The following RPH3AL variants were observed in gnomAD, a reference collection of about 807,000 sequenced individuals.
RPH3AL encodes the protein rab effector Noc2.
RPH3AL carries 38 observed loss-of-function variants against 43.1 expected under a neutral mutation model. That is an observed-to-expected ratio of 0.88 (90% CI 0.68 to 1.15). The LOEUF (loss-of-function observed/expected upper bound fraction) is 1.15, where lower values mean the gene tolerates loss of function less well. Ranked by LOEUF, RPH3AL falls within the 50% of genes most tolerant of loss-of-function variation. RPH3AL has a pLI of 0.00. For synonymous variants in RPH3AL, 189 were observed against 176.3 expected (o/e 1.07, Z -0.57); for missense variants, 462 against 423.2 (o/e 1.09, Z -0.81).
chr17:232,887 T>TGTGTGTGTGTGTG (rs1567568845), intron 7 of RPH3AL, among the ~76,000 whole-genome samples: 6 of 129,006 alleles, frequency 4.7e-5, no homozygotes, highest in Non-Finnish European at 6.5e-5. Context: ...TGTGTGTGTG[T>TGTGTGTGTGTGTG]TGGCTTCTAT....
chr17:247,062 T>C (rs777022213), intron 7 of RPH3AL, 49 bp downstream of exon 7: 1 of 1,608,468 alleles, frequency 6.2e-7, no homozygotes, highest in East Asian at 2.2e-5. Flanking sequence ...GGCTGGCTAA[T>C]GACCCAAACT....
chr17:260,374 G>A (rs2042169618), intron 6 of RPH3AL, among the ~76,000 whole-genome samples: 1 of 152,202 alleles, frequency 6.6e-6, no homozygotes, highest in Non-Finnish European at 1.5e-5. Flanking sequence ...AGGAGGCTGT[G>A]AGCTCTTCAA....
chr17:233,431 C>G (rs1023554266), intron 7 of RPH3AL, among the ~76,000 whole-genome samples: 4 of 152,180 alleles, frequency 2.6e-5, no homozygotes, highest in Non-Finnish European at 5.9e-5. Flanking sequence ...CAGGAAAACA[C>G]CAGCCCTGTG....
At chr17:279,105 C>G (rs978231480) in intron 6 of RPH3AL, among the ~76,000 whole-genome samples, 4 of 152,192 alleles carry the variant, frequency 2.6e-5, no homozygotes, top group African/African-American at 9.7e-5. Context: ...TCATCACAGA[C>G]TCAGAACCAG....
In RPH3AL at chr17:328,282, A is replaced by G. The variant is rs1567527393; in HGVS notation, c.-36-703T>C. Reference sequence around the variant, plus strand: ...GCCGGCTTTCTCCCTGCCTCCCAGGACAGGATTGTCTTTGGTGGTCTGAGG... The same window carrying G: ...GCCGGCTTTCTCCCTGCCTCCCAGGGCAGGATTGTCTTTGGTGGTCTGAGG... On this transcript the variant is annotated intron_variant, in intron 2 of 9. Transcript: ENST00000331302. This position sits in a 1 kb window ranked among gnomAD's most constrained non-coding sequence, Gnocchi z 4.2. Among the ~76,000 whole-genome samples, 1 of 151,352 alleles carries G rather than the reference A, an allele frequency of 6.6e-6. No individual in the cohort carries two copies. Among genetic ancestry groups the G allele is most frequent in the Non-Finnish European group, 1.5e-5 (1 of 67,868 alleles).
In RPH3AL at chr17:243,024, TTCCTCTATTGAATACCA is replaced by T. The variant is rs1316778298; in HGVS notation, c.613+4070_613+4086del. Among the ~76,000 whole-genome samples the T allele has an allele frequency of 8.6e-3, 984 of 114,300 alleles. 130 individuals are homozygous for T. Among genetic ancestry groups the T allele is most frequent in the African/African-American group, 0.021 (638 of 31,004 alleles). The allele number at this position is 114,300 out of a possible 152,430, so 75.0% of individuals were successfully genotyped here. On this transcript the variant is annotated intron_variant, in intron 7 of 9. Transcript: ENST00000331302. ...TGAATACCTTCCTCTATTGAATACC[TTCCTCTATTGAATACCA>T]TCCTCTATTGATTACCCTTCCTCTA...
rs553450826 is a variant in RPH3AL at position 316,971 on chromosome 17, C to G, written c.351+2449G>C. Among the ~76,000 whole-genome samples the G allele has an allele frequency of 2.1e-4, 29 of 136,328 alleles. No individual in the cohort carries two copies. The East Asian group carries it at 5.7e-3, about 27-fold the overall frequency. The allele number at this position is 136,328 out of a possible 152,430, so 89.4% of individuals were successfully genotyped here. On this transcript the variant is annotated intron_variant, in intron 5 of 9. Transcript: ENST00000331302. Reference sequence around the variant, plus strand: ...ACCTGTAGTCTCTCTACACCCACCTCCATTGACCTGTAGTCCCTGTGACCC... The same window carrying G: ...ACCTGTAGTCTCTCTACACCCACCTGCATTGACCTGTAGTCCCTGTGACCC...
intron 5 of RPH3AL, among the ~76,000 whole-genome samples, chr17:310,336 C>A: frequency 6.6e-6 from 1 of 152,178 alleles, no homozygotes; most frequent in Non-Finnish European, 1.5e-5. Flanking sequence ...CTTCCACCCA[C>A]AAGCTCATTA....
At chr17:218,527 T>C (rs2040870113) in intron 8 of RPH3AL, among the ~76,000 whole-genome samples, 1 of 152,240 alleles carries the variant, frequency 6.6e-6, no homozygotes. Flanking sequence ...ATGGAGCCCT[T>C]TCTTCTTCTG....
At position 274,872 on chromosome 17, in the gene RPH3AL, G is replaced by C. The variant is rs2042616323; in HGVS notation, c.438+6896C>G. Among the ~76,000 whole-genome samples the C allele has an allele frequency of 6.6e-6, 1 of 152,212 alleles. No individual in the cohort carries two copies. Among genetic ancestry groups the C allele is most frequent in the Admixed American group, 6.5e-5 (1 of 15,284 alleles). ...TTGTTTGGTGTCTAGGAAACATAAA[G>C]ACGGGCCTTACTAATAAAATAGAAA... On this transcript the variant is annotated intron_variant, in intron 6 of 9. Transcript: ENST00000331302. The surrounding 1 kb of genome is among the most constrained non-coding windows in gnomAD (Gnocchi z 4.7).
At chr17:285,359 C>G (rs2042882188) in intron 5 of RPH3AL, among the ~76,000 whole-genome samples, 1 of 152,208 alleles carries the variant, frequency 6.6e-6, no homozygotes, top group Non-Finnish European at 1.5e-5. Flanking sequence ...CTCTAAACCT[C>G]AGACGTTCTC....
At chr17:247,041 G>C (rs1555540276) in intron 7 of RPH3AL, 70 bp downstream of exon 7, 1 of 1,570,324 alleles carries the variant, frequency 6.4e-7, no homozygotes, top group African/African-American at 1.3e-5. Flanking sequence ...CCTTGTGCCT[G>C]CAAACTGCCG....
intron 7 of RPH3AL, among the ~76,000 whole-genome samples, chr17:231,461 C>T (rs772968147): frequency 6.6e-6 from 1 of 152,254 alleles, no homozygotes; most frequent in Non-Finnish European, 1.5e-5. Context: ...CGTGCAAGGC[C>T]AGGCCTCACC....
intron 5 of RPH3AL, among the ~76,000 whole-genome samples, chr17:294,836 A>G (rs12945771): frequency 1.9e-4 from 9 of 46,268 alleles, no homozygotes; most frequent in South Asian, 1.3e-3. Flanking sequence ...AAATGGATGG[A>G]CAGAGGGAAT....
At chr17:231,350 G>C (rs2041226592) in intron 7 of RPH3AL, among the ~76,000 whole-genome samples, 1 of 152,206 alleles carries the variant, frequency 6.6e-6, no homozygotes, top group Non-Finnish European at 1.5e-5. Flanking sequence ...GTCTAGCCCA[G>C]GAGCAACCAA....
chr17:269,399 C>G (rs879578121), intron 6 of RPH3AL, among the ~76,000 whole-genome samples: 1 of 152,202 alleles, frequency 6.6e-6, no homozygotes. Context: ...GCCCTGGCCC[C>G]CTTGCTGGAA....
At chr17:313,965 C>G (rs530001674) in intron 5 of RPH3AL, among the ~76,000 whole-genome samples, 1 of 152,148 alleles carries the variant, frequency 6.6e-6, no homozygotes, top group African/African-American at 2.4e-5. Flanking sequence ...ATCACCCAAG[C>G]CAGGACTGAG....
At chr17:310,656 A>G (rs2043622190) in intron 5 of RPH3AL, among the ~76,000 whole-genome samples, 3 of 152,270 alleles carry the variant, frequency 2.0e-5, no homozygotes, top group South Asian at 4.1e-4. Context: ...CCAGCCCCCC[A>G]GGGCTGCCGC....
Position 333,184 on chromosome 17 carries a change from C to G in RPH3AL, c.-37+575G>C. 1 of 988,722 alleles carries G rather than the reference C, an allele frequency of 1.0e-6. No individual in the cohort carries two copies. Among genetic ancestry groups the G allele is most frequent in the South Asian group, 1.6e-5 (1 of 61,334 alleles). 61.2% of individuals were successfully genotyped at this position (988,722 alleles called of 1,614,324 possible). ...CGGGCGTTCGTCACTGCAGACATCA[C>G]TGCAGACACAGAGAAGGCCATTAGA... On this transcript the variant is annotated intron_variant, in intron 2 of 9. Transcript: ENST00000331302. The surrounding 1 kb of genome is among the most constrained non-coding windows in gnomAD (Gnocchi z 4.5).
Sources: gnomAD v4.1 joint callset for allele counts (sites outside exome capture counted in the v4.1 genomes callset) on GRCh38, gnomAD v4.1.1 for gene constraint, Gnocchi (gnomAD v3.1) non-coding constraint, MANE v1.5 for transcripts, NCBI Gene and HGNC (gene_info 2026-07-23, HGNC 2026-07-21) for gene names.